The following MEI1 variants were observed in gnomAD, a reference collection of about 807,000 sequenced individuals.
MEI1 encodes the protein meiosis inhibitor protein 1.
In MEI1, 103 loss-of-function variants were observed where a neutral mutation model predicts 146.2. That is an observed-to-expected ratio of 0.70 (90% CI 0.60 to 0.83). The LOEUF is 0.83. Ranked by LOEUF, MEI1 falls within the 40% of genes least tolerant of loss-of-function variation. The probability of loss-of-function intolerance (pLI) is 0.00; values close to 1 mark genes in which losing one functional copy is unlikely to be tolerated. For missense variants in MEI1, 1,529 were observed against 1,533.0 expected, an observed-to-expected ratio of 1.00 and a Z score of 0.04; for synonymous variants, 652 against 628.2, an observed-to-expected ratio of 1.04 and a Z score of -0.57.
intron 18 of MEI1, among the ~76,000 whole-genome samples, chr22:41,762,279 A>C (rs1335412767): frequency 6.8e-6 from 1 of 147,712 alleles, no homozygotes; most frequent in Non-Finnish European, 1.5e-5. Context: ...GTCCTGTCCT[A>C]TCCTGTCCTT....
intron 2 of MEI1, among the ~76,000 whole-genome samples, chr22:41,704,582 T>C (rs1411961386): frequency 1.3e-5 from 2 of 151,670 alleles, no homozygotes; most frequent in Admixed American, 6.6e-5. Flanking sequence ...CCCGGCCAAT[T>C]TTTGCATTTT....
intron 5 of MEI1, among the ~76,000 whole-genome samples, chr22:41,716,471 G>C (rs2070188438): frequency 1.3e-5 from 2 of 148,532 alleles, no homozygotes; most frequent in South Asian, 4.3e-4. Flanking sequence ...CCACCTCCCG[G>C]GTTCAAGCGA....
rs141292262 is a variant in MEI1, at chr22:41,770,725, C to T, written c.2308C>T (p.Pro770Ser). Residue 770 changes from proline (P) to serine (S), a missense_variant, in exon 20 of 31, where the codon CCA becomes TCA. Pro to Ser is a moderately conservative substitution (Grantham distance 74). Coordinates refer to ENST00000401548, the MANE Select transcript of MEI1 (RefSeq NM_152513.4). ...SAIRKFLEGI[P>S]DLQLVYTHHP... ...AATCAGAAAATTCCTAGAAGGCATCCCAGACCTGCAGCTAGTCTATACTCA... is the reference window on the plus strand; with the variant it reads ...AATCAGAAAATTCCTAGAAGGCATCTCAGACCTGCAGCTAGTCTATACTCA... 713 of 1,613,870 alleles carry T rather than the reference C, an allele frequency of 4.4e-4. 2 individuals carry two copies. Among genetic ancestry groups the T allele is most frequent in the Non-Finnish European group, 5.6e-4 (659 of 1,179,842 alleles).
chr22:41,782,332 G>A (rs2075792091), intron 24 of MEI1, among the ~76,000 whole-genome samples: 1 of 152,186 alleles, frequency 6.6e-6, no homozygotes, highest in Non-Finnish European at 1.5e-5. Flanking sequence ...CAGACGGGGA[G>A]GCAGAAGCCA....
intron 26 of MEI1, among the ~76,000 whole-genome samples, chr22:41,788,949 A>G (rs2076080535): frequency 6.6e-6 from 1 of 152,072 alleles, no homozygotes; most frequent in Non-Finnish European, 1.5e-5. Flanking sequence ...TGATCCTCCC[A>G]TCTCAACCTC....
At chr22:41,721,046 T>C (rs967617435) in intron 6 of MEI1, among the ~76,000 whole-genome samples, 2 of 151,752 alleles carry the variant, frequency 1.3e-5, no homozygotes, top group Non-Finnish European at 2.9e-5. Flanking sequence ...CCCAAAGTGC[T>C]GGGATTACAG....
intron 15 of MEI1, among the ~76,000 whole-genome samples, chr22:41,751,772 T>TA (rs35211694): frequency 0.65 from 76,950 of 119,170 alleles, 25,047 homozygotes; most frequent in East Asian, 0.91. Context: ...AACTCCATCT[T>TA]AAAAAAAAAA....
chr22:41,703,214 C>T, intron 1 of MEI1, 117 bp from the exon 2 acceptor site: 2 of 1,124,366 alleles, frequency 1.8e-6, no homozygotes, highest in Admixed American at 2.1e-5. Flanking sequence ...ATGGATCTCA[C>T]CGTAGTTTAA....
intron 7 of MEI1, among the ~76,000 whole-genome samples, chr22:41,724,323 TA>T (rs148859707): frequency 4.6e-5 from 7 of 152,034 alleles, no homozygotes; most frequent in African/African-American, 1.7e-4. Flanking sequence ...CCTGTCTCTA[TA>T]AAAAATACAA....
Position 41,776,250 on chromosome 22 carries a change from G to A in MEI1, c.2693G>A (p.Gly898Glu). ...LILQRLLVEHGASPSGASGNL... is the reference protein window; with the variant it reads ...LILQRLLVEHEASPSGASGNL... ...CTGCAGCGTCTGCTAGTGGAGCATG[G>A]GGCATCCCCATCAGGAGGTCAGTCT... Residue 898 changes from glycine to glutamate, a missense_variant, in exon 21 of 31, where the codon GGG becomes GAG. Around this residue, in one of 3 missense-constraint regions of MEI1, gnomAD observed 1,212 missense variants for 1,178.9 expected, o/e 1.03. Transcript: ENST00000401548. The A allele has an allele frequency of 6.2e-7, 1 of 1,613,660 alleles. No homozygotes were observed. Among genetic ancestry groups the A allele is most frequent in the East Asian group, 2.2e-5 (1 of 44,876 alleles).
rs1330694280 is a variant in MEI1 at position 41,781,768 on chromosome 22, C to G, written c.3010C>G (p.Pro1004Ala). Residue 1004 changes from proline to alanine, a missense_variant, in exon 24 of 31, where the codon CCC becomes GCC. By Grantham distance (27) the Pro-to-Ala change is conservative. Coordinates refer to ENST00000401548, the MANE Select transcript of MEI1 (RefSeq NM_152513.4). ...CCTCACCTTGGCAAAGGCAGATTCTCCCAGGACTGCACTCCTCTGCTCTGC... is the reference window on the plus strand; with the variant it reads ...CCTCACCTTGGCAAAGGCAGATTCTGCCAGGACTGCACTCCTCTGCTCTGC... ...LALTLAKADS[P>A]RTALLCSAWL... 1 of 1,613,842 alleles carries G rather than the reference C, an allele frequency of 6.2e-7. No homozygotes were observed. The highest frequency in any genetic ancestry group is 1.3e-5 in the African/African-American group (1 of 74,936).
chr22:41,786,084 G>T (rs914585135), intron 26 of MEI1, among the ~76,000 whole-genome samples: 9 of 149,340 alleles, frequency 6.0e-5, no homozygotes, highest in Admixed American at 2.7e-4. Context: ...CTAATTTTTT[G>T]TATTTTTAGT....
intron 20 of MEI1, among the ~76,000 whole-genome samples, chr22:41,774,830 A>G (rs960440743): frequency 1.3e-5 from 2 of 152,304 alleles, no homozygotes; most frequent in African/African-American, 4.8e-5. Flanking sequence ...AGTGGTTGTT[A>G]TTGATATATA....
At chr22:41,782,793 G>A (rs1272624292) in intron 24 of MEI1, among the ~76,000 whole-genome samples, 1 of 152,184 alleles carries the variant, frequency 6.6e-6, no homozygotes, top group African/African-American at 2.4e-5. Flanking sequence ...CACCTGCCTA[G>A]GAGAAAACTT....
intron 3 of MEI1, among the ~76,000 whole-genome samples, chr22:41,709,797 G>A (rs999431492): frequency 2.6e-5 from 4 of 152,090 alleles, no homozygotes; most frequent in African/African-American, 9.7e-5. Flanking sequence ...TCCCTTATTT[G>A]CCTATTGGTT....
chr22:41,718,125 A>C lies in MEI1; in HGVS notation c.584A>C (p.Gln195Pro). 6.2e-7 allele frequency: 1 copy of C among 1,613,682 alleles called. No homozygotes were observed. Among genetic ancestry groups the C allele is most frequent in the Non-Finnish European group, 8.5e-7 (1 of 1,179,866 alleles). ...RGLVYPSEGIQASVCYLYGKL... is the reference protein window; with the variant it reads ...RGLVYPSEGIPASVCYLYGKL... ...TTAGTATACCCCAGTGAGGGCATAC[A>C]AGCTTCTGTCTGTTACCTTTATGGG... is the stretch of plus-strand genomic sequence containing the variant. Residue 195 changes from glutamine (Q) to proline (P), a missense_variant, in exon 6 of 31, where the codon CAA becomes CCA. Gln to Pro is a moderately conservative substitution (Grantham distance 76). This residue lies in a region of MEI1 where 1,212 missense variants were observed against 1,178.9 expected (regional missense o/e 1.03). Coordinates refer to ENST00000401548, the MANE Select transcript of MEI1 (RefSeq NM_152513.4).
chr22:41,705,175 CCT>C (rs1491343507), intron 2 of MEI1, among the ~76,000 whole-genome samples: 1 of 149,718 alleles, frequency 6.7e-6, no homozygotes, highest in Non-Finnish European at 1.5e-5. Flanking sequence ...CTTAACCACT[CCT>C]TTTTTTTTTT....
rs1296802908 is a variant in MEI1, at chr22:41,744,241, G to C, written c.1447-732G>C. ...GCTGGAGTGCAGTGGTGCGATTTTG[G>C]CTCACTGCAACCTTCGCCTCCGGGG... is the stretch of plus-strand genomic sequence containing the variant. On this transcript the variant is annotated intron_variant, in intron 12 of 30. Coordinates refer to ENST00000401548, the MANE Select transcript of MEI1 (RefSeq NM_152513.4). Among the ~76,000 whole-genome samples, 4 of 150,176 alleles carry C rather than the reference G, an allele frequency of 2.7e-5. No individual in the cohort carries two copies. The East Asian group carries it at 5.9e-4, about 22-fold the overall frequency.
chr22:41,791,123 T>A (rs1045740098), intron 26 of MEI1, among the ~76,000 whole-genome samples: 1 of 152,192 alleles, frequency 6.6e-6, no homozygotes, highest in Non-Finnish European at 1.5e-5. Flanking sequence ...AACTGAGCCA[T>A]GCCTCATACA....
Sources: allele counts gnomAD v4.1 joint callset (sites outside exome capture counted in the v4.1 genomes callset), GRCh38; gene constraint gnomAD v4.1.1; regional missense constraint gnomAD v4.1.1; transcripts MANE v1.5; gene names NCBI Gene and HGNC (gene_info 2026-07-23, HGNC 2026-07-21).